DCT: variants seen among roughly 807,000 people sequenced by gnomAD.
DCT encodes the protein dopachrome tautomerase.
DCT carries 47 observed loss-of-function variants against 53.0 expected under a neutral mutation model. The ratio of observed to expected loss-of-function variants is 0.89; its 90% confidence interval spans 0.70 to 1.13. DCT has a LOEUF of 1.13. DCT is among the 50% of genes most tolerant of loss of function. The pLI is 0.00. For missense variants in DCT, 669 were observed against 637.4 expected (o/e 1.05, Z -0.53); for synonymous variants, 244 against 237.0 (o/e 1.03, Z -0.27).
intron 1 of DCT, among the ~76,000 whole-genome samples, chr13:94,473,774 G>A (rs566115915): frequency 2.7e-4 from 41 of 152,234 alleles, no homozygotes; most frequent in African/African-American, 8.2e-4. Context: ...AATGGGAAGT[G>A]GGGGGGTAAA....
At chr13:94,548,164 T>A in the DCT span, among the ~76,000 whole-genome samples, 1 of 151,800 alleles carries the variant, frequency 6.6e-6, no homozygotes, top group Non-Finnish European at 1.5e-5. Context: ...GAGGTAGCAA[T>A]GTTAGCTGTC....
intron 6 of DCT, chr13:94,444,274 C>T: frequency 6.3e-6 from 2 of 319,394 alleles, no homozygotes; most frequent in South Asian, 2.7e-5. Context: ...ATTCAAAATC[C>T]CAAACACTTC....
rs757947053 is a variant in DCT at position 94,460,093 on chromosome 13, C to T, written c.1177G>A (p.Val393Met). The T allele has an allele frequency of 5.6e-6, 9 of 1,613,710 alleles. No individual in the cohort carries two copies. The highest frequency in any genetic ancestry group is 7.6e-6 in the Non-Finnish European group (9 of 1,179,920). The change falls in exon 6 of 8, where the codon GTG becomes ATG. Residue 393 changes from valine (V) to methionine (M), a missense_variant and splice_region_variant. Coordinates refer to ENST00000377028, the MANE Select transcript of DCT (RefSeq NM_001922.5). ...GCATTCTGAATCTTTGAACATACCACAAAAATGGGATCATTGGCGGCTGAA... is the reference window on the plus strand; with the variant it reads ...GCATTCTGAATCTTTGAACATACCATAAAAATGGGATCATTGGCGGCTGAA... ...PHSAANDPIF[V>M]VLHSFTDAIF...
At chr13:94,494,367 T>C in the DCT span, among the ~76,000 whole-genome samples, 1 of 152,214 alleles carries the variant, frequency 6.6e-6, no homozygotes, top group Non-Finnish European at 1.5e-5. Flanking sequence ...AAGTCTATTT[T>C]AGGTGTAATC....
At chr13:94,483,465 A>C (rs540419334), upstream of DCT, among the ~76,000 whole-genome samples, 10 of 150,068 alleles carry the variant, frequency 6.7e-5, no homozygotes, top group East Asian at 1.4e-3. Context: ...TCCAGACTAA[A>C]TATTCTCCAT....
Position 94,479,062 on chromosome 13 carries a change from C to T in DCT, c.194G>A (p.Arg65Gln). The change falls in exon 1 of 8, where the codon CGA becomes CAA. Residue 65 changes from arginine (R) to glutamine (Q), a missense_variant. Physicochemically the swap from Arg to Gln is conservative, Grantham distance 43. Transcript: ENST00000377028. ...QQGRGQCTEVRADTRPWSGPY... is the reference protein window; with the variant it reads ...QQGRGQCTEVQADTRPWSGPY... The stretch of plus-strand genomic sequence containing the variant: ...ACCACTCCAGGGCCTTGTGTCGGCT[C>T]GCACCTCTGTGCACTGCCCCCGGCC... 1 of 1,614,232 alleles carries T rather than the reference C, an allele frequency of 6.2e-7. No homozygotes were observed. Among genetic ancestry groups the T allele is most frequent in the Non-Finnish European group, 8.5e-7 (1 of 1,180,046 alleles).
chr13:94,463,717 A>G (rs1883972866), intron 4 of DCT, among the ~76,000 whole-genome samples: 1 of 152,194 alleles, frequency 6.6e-6, no homozygotes, highest in Non-Finnish European at 1.5e-5. Flanking sequence ...TTTCACTGGC[A>G]GAGATAAAAA....
the DCT span, among the ~76,000 whole-genome samples, chr13:94,524,409 G>A: frequency 2.0e-5 from 3 of 152,326 alleles, no homozygotes; most frequent in Admixed American, 6.5e-5. Flanking sequence ...TATGACCATC[G>A]CCACAGGCCT....
chr13:94,530,883 A>G, the DCT span, among the ~76,000 whole-genome samples: 573 of 152,342 alleles, frequency 3.8e-3, 3 homozygotes, highest in African/African-American at 0.013. Flanking sequence ...TTGTATATTT[A>G]GAAAACCCCA....
chr13:94,540,778 C>A, the DCT span, among the ~76,000 whole-genome samples: 2 of 152,180 alleles, frequency 1.3e-5, no homozygotes. Context: ...ATCATATGAT[C>A]CCGCAATCCC....
the DCT span, among the ~76,000 whole-genome samples, chr13:94,514,740 G>A: frequency 5.9e-4 from 90 of 152,336 alleles, 1 homozygote; most frequent in Non-Finnish European, 3.2e-4. Context: ...AAAGATGGAC[G>A]TGGAGACCTA....
the DCT span, among the ~76,000 whole-genome samples, chr13:94,513,010 G>T: frequency 1.3e-5 from 2 of 152,136 alleles, no homozygotes; most frequent in Admixed American, 1.3e-4. Context: ...CAAAAGTTTG[G>T]GTGAGGCCAT....
the DCT span, among the ~76,000 whole-genome samples, chr13:94,520,744 G>C: frequency 3.9e-5 from 6 of 152,178 alleles, no homozygotes; most frequent in Non-Finnish European, 7.3e-5. Flanking sequence ...CACCTTCCTG[G>C]CATCATCTCC....
intron 6 of DCT, among the ~76,000 whole-genome samples, chr13:94,446,686 A>G (rs1882757363): frequency 6.6e-6 from 1 of 152,164 alleles, no homozygotes; most frequent in Admixed American, 6.5e-5. Flanking sequence ...TCCAACACCA[A>G]GATGTCAGTG....
At chr13:94,477,124 C>G (rs1885139593) in intron 1 of DCT, among the ~76,000 whole-genome samples, 1 of 152,068 alleles carries the variant, frequency 6.6e-6, no homozygotes, top group Non-Finnish European at 1.5e-5. Flanking sequence ...TGAGACAGAT[C>G]TCACTCTGTC....
At position 94,438,314 on chromosome 13, in the gene DCT, C is replaced by G. The variant is rs1445852680; in HGVS notation, c.*1584G>C. 1.1e-5 allele frequency: 2 copies of G among 179,768 alleles called. No individual in the cohort carries two copies. The highest frequency in any genetic ancestry group is 2.4e-5 in the Non-Finnish European group (2 of 84,934). 11.1% of individuals were successfully genotyped at this position (179,768 alleles called of 1,614,324 possible). On this transcript the variant is annotated 3_prime_UTR_variant, in exon 8 of 8. Coordinates refer to ENST00000377028, the MANE Select transcript of DCT (RefSeq NM_001922.5). ...TGTGGCTGAGGCTAAAAAGCCCAAG[C>G]AGGGCTTTACCGGGCTATCTTGATC...
chr13:94,481,153 G>A (rs933894754), upstream of DCT, among the ~76,000 whole-genome samples: 3 of 152,164 alleles, frequency 2.0e-5, no homozygotes, highest in African/African-American at 7.2e-5. Context: ...CTCCATGTCT[G>A]TTTCTTATAA....
At chr13:94,496,843 T>C in the DCT span, among the ~76,000 whole-genome samples, 1 of 152,138 alleles carries the variant, frequency 6.6e-6, no homozygotes, top group Non-Finnish European at 1.5e-5. Flanking sequence ...AAATAGTGTC[T>C]AGTGGGCTGT....
At chr13:94,495,543 A>G in the DCT span, among the ~76,000 whole-genome samples, 1 of 152,258 alleles carries the variant, frequency 6.6e-6, no homozygotes, top group African/African-American at 2.4e-5. Context: ...TATTCCATGT[A>G]TCATCAAAGT....
Sources: gnomAD v4.1 joint callset for allele counts (sites outside exome capture counted in the v4.1 genomes callset) on GRCh38, gnomAD v4.1.1 for gene constraint, MANE v1.5 for transcripts, NCBI Gene and HGNC (gene_info 2026-07-23, HGNC 2026-07-21) for gene names.